The following COL22A1 variants were observed in gnomAD, a reference collection of about 807,000 sequenced individuals.
COL22A1 encodes the protein collagen type XXII alpha 1 chain.
COL22A1 carries 221 observed loss-of-function variants against 248.9 expected under a neutral mutation model. That is an observed-to-expected ratio of 0.89 (90% CI 0.80 to 0.99). COL22A1 has a LOEUF of 0.99. Among genes scored for constraint, COL22A1 ranks in the 50% least tolerant of loss-of-function variants. The pLI, the probability that COL22A1 is intolerant of heterozygous loss-of-function variation, is 0.00. For synonymous variants in COL22A1, 891 were observed against 793.4 expected (o/e 1.12, Z -2.07); for missense variants, 2,240 against 2,179.0 (o/e 1.03, Z -0.56).
chr8:138,870,545 G>A (rs1823254233), intron 3 of COL22A1, among the ~76,000 whole-genome samples: 1 of 151,754 alleles, frequency 6.6e-6, no homozygotes. Context: ...GATATAGACT[G>A]TGTGTATGTG....
chr8:138,731,025 G>A (rs558524796), intron 23 of COL22A1, among the ~76,000 whole-genome samples: 7 of 152,266 alleles, frequency 4.6e-5, no homozygotes, highest in Admixed American at 1.3e-4. Context: ...TTCTAGGCTG[G>A]GCGCATTGGC....
At chr8:138,675,199 G>A (rs1825415975) in intron 41 of COL22A1, among the ~76,000 whole-genome samples, 1 of 152,178 alleles carries the variant, frequency 6.6e-6, no homozygotes, top group South Asian at 2.1e-4. Context: ...CAGGAGGCCT[G>A]CTCCAAAATG....
At chr8:138,908,342 G>A (rs1440646354) in intron 1 of COL22A1, among the ~76,000 whole-genome samples, 1 of 152,166 alleles carries the variant, frequency 6.6e-6, no homozygotes, top group Non-Finnish European at 1.5e-5. Context: ...GTTAAGTTGG[G>A]GGATAAGAAC....
chr8:138,797,858 AT>A (rs1168735801), intron 11 of COL22A1, among the ~76,000 whole-genome samples: 1 of 151,764 alleles, frequency 6.6e-6, no homozygotes, highest in Non-Finnish European at 1.5e-5. Context: ...TTAGGTGCAT[AT>A]ATGTTTATAA....
At chr8:138,716,440 G>C in intron 28 of COL22A1, 151 bp from the exon 29 acceptor site, 1 of 627,264 alleles carries the variant, frequency 1.6e-6, no homozygotes, top group Non-Finnish European at 2.8e-6. Flanking sequence ...TGGAGAAAGC[G>C]GAATTCTAGA....
At chr8:138,605,974 C>T (rs756067913) in intron 58 of COL22A1, among the ~76,000 whole-genome samples, 24 of 152,266 alleles carry the variant, frequency 1.6e-4, no homozygotes, top group Middle Eastern at 3.4e-3. Context: ...TCATGATCAA[C>T]ACCATTGTCC....
intron 37 of COL22A1, 27 bp downstream of exon 37, chr8:138,688,890 T>C: frequency 1.3e-6 from 2 of 1,599,176 alleles, no homozygotes; most frequent in South Asian, 1.1e-5. Flanking sequence ...TATTCACTTG[T>C]GTGCTGAGAG....
At chr8:138,701,784 C>T (rs777363844) in intron 31 of COL22A1, among the ~76,000 whole-genome samples, 5 of 152,208 alleles carry the variant, frequency 3.3e-5, no homozygotes, top group Non-Finnish European at 5.9e-5. Context: ...AAACTGGCGT[C>T]CACATAGGTG....
intron 52 of COL22A1, among the ~76,000 whole-genome samples, chr8:138,619,823 A>T (rs1015600314): frequency 6.6e-6 from 1 of 152,172 alleles, no homozygotes; most frequent in Non-Finnish European, 1.5e-5. Flanking sequence ...CATCTTAGTT[A>T]CAGACGACTT....
At chr8:138,706,587 A>G (rs1464008448) in intron 30 of COL22A1, among the ~76,000 whole-genome samples, 1 of 152,224 alleles carries the variant, frequency 6.6e-6, no homozygotes, top group African/African-American at 2.4e-5. Context: ...CTTTGAAACC[A>G]ATGAGAACAG....
intron 43 of COL22A1, among the ~76,000 whole-genome samples, chr8:138,660,926 AG>A (rs1479302207): frequency 8.4e-6 from 1 of 119,144 alleles, no homozygotes; most frequent in African/African-American, 4.3e-5. Context: ...ACACACACAC[AG>A]ACACACAGAC....
Position 138,623,789 on chromosome 8 carries a change from C to A in COL22A1, c.3718-4G>T, listed in dbSNP as rs751975348. 6.2e-7 allele frequency: 1 copy of A among 1,612,168 alleles called. No individual in the cohort carries two copies. Among genetic ancestry groups the A allele is most frequent in the South Asian group, 1.1e-5 (1 of 90,774 alleles). On this transcript the variant is annotated splice_polypyrimidine_tract_variant and splice_region_variant and intron_variant, in intron 51 of 64. Transcript: ENST00000303045. ...TGCCCTCTTTGCCTTCTTCTCCCTG[C>A]AAGAGAAACTCAAATTGGTTATCAG...
intron 7 of COL22A1, 33 bp from the exon 8 acceptor site, chr8:138,813,052 T>G: frequency 6.3e-7 from 1 of 1,575,080 alleles, no homozygotes; most frequent in Non-Finnish European, 8.7e-7. Context: ...AGGATAAGTT[T>G]TAGGGACTTT....
chr8:138,733,220 GC>G (rs1830841819), intron 23 of COL22A1, among the ~76,000 whole-genome samples: 1 of 152,210 alleles, frequency 6.6e-6, no homozygotes, highest in Admixed American at 6.5e-5. Context: ...CACTTGGCCA[GC>G]CCAGACACCA....
At chr8:138,876,344 A>C (rs1823715746) in intron 3 of COL22A1, among the ~76,000 whole-genome samples, 1 of 152,056 alleles carries the variant, frequency 6.6e-6, no homozygotes, top group Non-Finnish European at 1.5e-5. Flanking sequence ...ACATACCACG[A>C]CCACACATGG....
intron 1 of COL22A1, among the ~76,000 whole-genome samples, chr8:138,902,735 T>TA (rs1275091313): frequency 1.1e-5 from 1 of 90,360 alleles, no homozygotes; most frequent in Non-Finnish European, 2.3e-5. Flanking sequence ...AATATATATA[T>TA]ATATACACAC....
At chr8:138,879,690 C>CAAAAAAAAA (rs372214665) in intron 2 of COL22A1, among the ~76,000 whole-genome samples, 3 of 99,040 alleles carry the variant, frequency 3.0e-5, no homozygotes, top group African/African-American at 4.5e-5. Flanking sequence ...GACACTCTCT[C>CAAAAAAAAA]AAAAAAAAAA....
intron 2 of COL22A1, among the ~76,000 whole-genome samples, chr8:138,882,797 C>T (rs535739130): frequency 6.7e-5 from 10 of 150,290 alleles, no homozygotes; most frequent in Non-Finnish European, 1.2e-4. Flanking sequence ...ACACAGTCCC[C>T]CACATTCCTT....
intron 62 of COL22A1, among the ~76,000 whole-genome samples, chr8:138,596,212 T>A (rs1817528750): frequency 6.6e-6 from 1 of 152,204 alleles, no homozygotes; most frequent in East Asian, 1.9e-4. Flanking sequence ...CCTAAGCATC[T>A]GCTACGCACA....
Sources: gnomAD v4.1 joint callset for allele counts (sites outside exome capture counted in the v4.1 genomes callset) on GRCh38, gnomAD v4.1.1 for gene constraint, MANE v1.5 for transcripts, NCBI Gene and HGNC (gene_info 2026-07-23, HGNC 2026-07-21) for gene names.